The following AHNAK variants were observed in gnomAD, a reference collection of about 807,000 sequenced individuals.
The protein encoded by AHNAK is neuroblast differentiation-associated protein AHNAK.
Under a neutral mutation model 37.8 loss-of-function variants are expected in AHNAK, and 23 were observed. That is an observed-to-expected ratio of 0.61 (90% confidence interval 0.44 to 0.86). The LOEUF (loss-of-function observed/expected upper bound fraction) is 0.86, where lower values mean the gene tolerates loss of function less well. AHNAK is among the 40% of genes least tolerant of loss of function. The pLI, the probability that AHNAK is intolerant of heterozygous loss-of-function variation, is 0.00. For synonymous variants in AHNAK, 2,481 were observed against 2,636.3 expected (o/e 0.94, Z 1.80); for missense variants, 7,411 against 7,319.4 (o/e 1.01, Z -0.46).
chr11:62,513,700 C>A (rs1939956737), downstream of AHNAK, among the ~76,000 whole-genome samples: 1 of 152,194 alleles, frequency 6.6e-6, no homozygotes, highest in Admixed American at 6.5e-5. Context: ...GCTGTGGTAA[C>A]CATCACTGCG....
At chr11:62,536,223 C>T (rs2134252407) in intron 2 of AHNAK, 125 bp from the exon 3 acceptor site, 1 of 1,047,534 alleles carries the variant, frequency 9.5e-7, no homozygotes, top group East Asian at 3.1e-5. Flanking sequence ...TGCACCTGCC[C>T]CTGCAGCTGG....
intron 4 of AHNAK, among the ~76,000 whole-genome samples, chr11:62,497,637 G>A (rs1242937650): frequency 6.6e-6 from 1 of 152,184 alleles, no homozygotes; most frequent in Non-Finnish European, 1.5e-5. Flanking sequence ...CCAAGAGAGA[G>A]CTGAAATTTT....
chr11:62,536,194 G>A, intron 2 of AHNAK, 96 bp from the exon 3 acceptor site: 2 of 1,367,836 alleles, frequency 1.5e-6, no homozygotes, highest in South Asian at 3.0e-5. Context: ...TGAACTCCAG[G>A]GAGTGGGGCC....
Position 62,516,580 on chromosome 11 carries a change from C to A in AHNAK, c.*164G>T. On this transcript the variant is annotated 3_prime_UTR_variant, in exon 5 of 5. Transcript: ENST00000378024. Reference sequence around the variant, plus strand: ...TACCTATCTGTATAGTTCCAGGAGCCTACAGGCGGTCGGTTTTTCAGCGCT... The same window carrying A: ...TACCTATCTGTATAGTTCCAGGAGCATACAGGCGGTCGGTTTTTCAGCGCT... 6.8e-7 allele frequency: 1 copy of A among 1,467,096 alleles called. No homozygotes were observed. The highest frequency in any genetic ancestry group is 8.9e-7 in the Non-Finnish European group (1 of 1,120,488). The allele number at this position is 1,467,096 out of a possible 1,614,324, so 90.9% of individuals were successfully genotyped here. A position where few individuals can be genotyped will look rare whatever the true frequency, so the allele number is the denominator to read the frequency against.
rs370601703 is a variant in AHNAK, at chr11:62,522,442, G to C, written c.11975C>G (p.Pro3992Arg). The C allele has an allele frequency of 6.2e-7, 1 of 1,613,718 alleles. No individual in the cohort carries two copies. Among genetic ancestry groups the C allele is most frequent in the Non-Finnish European group, 8.5e-7 (1 of 1,179,960 alleles). ...CTTGGGGGCTTTGATGTTCATCTCT[G>C]GCATCTTGAATTTAGGGCCCTTCAG... ...AKLKGPKFKMPEMNIKAPKIS... is the reference protein window; with the variant it reads ...AKLKGPKFKMREMNIKAPKIS... Residue 3992 changes from proline to arginine, a missense_variant, in exon 5 of 5, where the codon CCA (proline) becomes CGA (arginine). Physicochemically the swap from Pro to Arg is moderately radical, Grantham distance 103 (BLOSUM62 -2). Coordinates refer to ENST00000378024, the MANE Select transcript of AHNAK (RefSeq NM_001620.3).
At chr11:62,455,245 G>A (rs2134812830) in intron 5 of AHNAK, among the ~76,000 whole-genome samples, 1 of 151,896 alleles carries the variant, frequency 6.6e-6, no homozygotes, top group Non-Finnish European at 1.5e-5. Flanking sequence ...ATTTCTTAAG[G>A]AAATGCACCA....
At position 62,530,964 on chromosome 11, in the gene AHNAK, AGG is replaced by A; in HGVS notation, c.3451_3452del (p.Pro1151Ter). 1 of 1,612,292 alleles carries A rather than the reference AGG, an allele frequency of 6.2e-7. No individual in the cohort carries two copies. The highest frequency in any genetic ancestry group is 8.5e-7 in the Non-Finnish European group (1 of 1,179,496). On this transcript the variant is annotated frameshift_variant, in exon 5 of 5. Coordinates refer to ENST00000378024, the MANE Select transcript of AHNAK (RefSeq NM_001620.3). LOFTEE classifies it low-confidence loss of function (END_TRUNC). ...GEGPEVDVNL[P>X]KADVVVSGPK... The stretch of plus-strand genomic sequence containing the variant: ...GTCCTGAGACAACAACGTCAGCCTT[AGG>A]CAAGTTCACATCCACTTCTGGGCCC...
chr11:62,490,700 C>G (rs1310997684), intron 5 of AHNAK, among the ~76,000 whole-genome samples: 2 of 152,172 alleles, frequency 1.3e-5, no homozygotes, highest in African/African-American at 4.8e-5. Flanking sequence ...TCAGTCCTCT[C>G]CAGCTGACAT....
At chr11:62,498,303 A>G (rs1445182931) in intron 4 of AHNAK, among the ~76,000 whole-genome samples, 2 of 152,210 alleles carry the variant, frequency 1.3e-5, no homozygotes, top group Non-Finnish European at 2.9e-5. Flanking sequence ...GCTAATGGTT[A>G]TCACTAAGAA....
intron 5 of AHNAK, among the ~76,000 whole-genome samples, chr11:62,479,409 C>T (rs1268863383): frequency 7.3e-5 from 11 of 151,612 alleles, no homozygotes; most frequent in Non-Finnish European, 1.5e-4. Context: ...TCAGGTGATC[C>T]GTCTACCTCA....
At position 62,527,440 on chromosome 11, in the gene AHNAK, A is replaced by T. The variant is rs1331521909; in HGVS notation, c.6977T>A (p.Ile2326Asn). The T allele has an allele frequency of 1.2e-6, 2 of 1,613,904 alleles. No homozygotes were observed. Among genetic ancestry groups the T allele is most frequent in the Admixed American group, 3.3e-5 (2 of 59,980 alleles). ...GGCAGAAACATCAACATCTCCTTTG[A>T]TTTTGGGTCCCTTTAAATTGAAATC... ...DVDFNLKGPKIKGDVDVSAPK... is the reference protein window; with the variant it reads ...DVDFNLKGPKNKGDVDVSAPK... The change falls in exon 5 of 5, where the codon ATC becomes AAC. Residue 2326 changes from isoleucine (I) to asparagine (N), a missense_variant. Ile to Asn is a moderately radical substitution (Grantham distance 149). Transcript: ENST00000378024.
chr11:62,500,126 T>A (rs1014179608), intron 4 of AHNAK, among the ~76,000 whole-genome samples: 1 of 152,214 alleles, frequency 6.6e-6, no homozygotes, highest in Non-Finnish European at 1.5e-5. Flanking sequence ...GTTTGTGGCT[T>A]ACCCAAGAGA....
rs754876708 is a variant in AHNAK at position 62,527,630 on chromosome 11, C to T, written c.6787G>A (p.Val2263Met). 2.5e-6 allele frequency: 4 copies of T among 1,613,896 alleles called. No homozygotes were observed. Among genetic ancestry groups the T allele is most frequent in the African/African-American group, 1.3e-5 (1 of 74,858 alleles). The change falls in exon 5 of 5, where the codon GTG becomes ATG. Residue 2263 changes from valine to methionine, a missense_variant. By Grantham distance (21) the Val-to-Met change is conservative (BLOSUM62 1). Transcript: ENST00000378024. ...MPGFKGEGPE[V>M]DVNLPKADVD... ...TCAGCCTTGGGCAAGTTCACATCCA[C>T]TTCTGGGCCCTCTCCTTTGAAGCCA...
In AHNAK at chr11:62,523,410, G is replaced by T; in HGVS notation, c.11007C>A (p.Pro3669=). Residue 3669 remains proline, a synonymous_variant, in exon 5 of 5, where the codon CCC becomes CCA. Coordinates refer to ENST00000378024, the MANE Select transcript of AHNAK (RefSeq NM_001620.3). The part of the protein sequence containing the change: ...FKMPEMNIKA[P]KISMPDFDLN... ...GGTCAAAGTCAGGCATGGAGATCTT[G>T]GGGGCTTTGATGTTCATCTCAGGCA... 1 of 1,612,872 alleles carries T rather than the reference G, an allele frequency of 6.2e-7. No individual in the cohort carries two copies. Among genetic ancestry groups the T allele is most frequent in the Non-Finnish European group, 8.5e-7 (1 of 1,179,638 alleles).
At position 62,531,976 on chromosome 11, in the gene AHNAK, T is replaced by C. The variant is rs368068814; in HGVS notation, c.2441A>G (p.Lys814Arg). The C allele has an allele frequency of 9.8e-5, 158 of 1,614,202 alleles. No homozygotes were observed. The highest frequency in any genetic ancestry group is 5.1e-4 in the African/African-American group (38 of 75,042). The change falls in exon 5 of 5, where the codon AAA becomes AGA. Residue 814 changes from lysine to arginine, a missense_variant. By Grantham distance (26) the Lys-to-Arg change is conservative (BLOSUM62 2). Coordinates refer to ENST00000378024, the MANE Select transcript of AHNAK (RefSeq NM_001620.3). ...PKFKMPEMNI[K>R]VPKISMPDVD... Reference sequence around the variant, plus strand: ...ATCAGGCATGGAGATCTTGGGGACTTTGATGTTCATCTCAGGCATCTTAAA... The same window carrying C: ...ATCAGGCATGGAGATCTTGGGGACTCTGATGTTCATCTCAGGCATCTTAAA...
In AHNAK at chr11:62,520,371, A is replaced by G. The variant is rs1258959902; in HGVS notation, c.14046T>C (p.Asp4682=). Residue 4682 remains aspartate (D), a synonymous_variant, in exon 5 of 5, where the codon GAT becomes GAC. Transcript: ENST00000378024. ...CAACGTCCACTTTGGGTCCTGAGAC[A>G]TCAATGTCAGCCTTGGGCAGGTTCA... The part of the protein sequence containing the change: ...VDVNLPKADI[D]VSGPKVDVDV... 2.5e-6 allele frequency: 4 copies of G among 1,612,458 alleles called. No homozygotes were observed. The highest frequency in any genetic ancestry group is 2.2e-5 in the East Asian group (1 of 44,766).
exon 6 of AHNAK, chr11:62,433,719 A>G: frequency 1.1e-6 from 1 of 869,900 alleles, no homozygotes; most frequent in Non-Finnish European, 1.8e-6. Flanking sequence ...CTGGAGCTAT[A>G]AACATGCATG....
Position 62,527,011 on chromosome 11 carries a change from C to T in AHNAK, c.7406G>A (p.Gly2469Glu). The change falls in exon 5 of 5, where the codon GGG becomes GAG. Residue 2469 changes from glycine to glutamate, a missense_variant. Coordinates refer to ENST00000378024, the MANE Select transcript of AHNAK (RefSeq NM_001620.3). The part of the protein sequence containing the change: ...DLNLKGPKIK[G>E]DVDVSVPEVE... The stretch of plus-strand genomic sequence containing the variant: ...CTCAGGCACAGACACATCCACATCC[C>T]CCTTGATTTTGGGTCCTTTGAGATT... 1 of 1,613,974 alleles carries T rather than the reference C, an allele frequency of 6.2e-7. No individual in the cohort carries two copies. The highest frequency in any genetic ancestry group is 8.5e-7 in the Non-Finnish European group (1 of 1,179,926).
At chr11:62,455,422 G>A (rs1385831950) in intron 5 of AHNAK, among the ~76,000 whole-genome samples, 1 of 151,816 alleles carries the variant, frequency 6.6e-6, no homozygotes, top group African/African-American at 2.4e-5. Flanking sequence ...CTTAAGAAAT[G>A]TGGCCGGGCG....
Sources: allele counts gnomAD v4.1 joint callset (sites outside exome capture counted in the v4.1 genomes callset), GRCh38; gene constraint gnomAD v4.1.1; transcripts MANE v1.5; gene names NCBI Gene and HGNC (gene_info 2026-07-23, HGNC 2026-07-21).